Variants in ANKRD45 observed in about 807,000 individuals in gnomAD.
ANKRD45 encodes ankyrin repeat domain-containing protein 45.
In ANKRD45, 21 loss-of-function variants were observed where a neutral mutation model predicts 28.1. That is an observed-to-expected ratio of 0.75 (90% CI 0.53 to 1.08). The LOEUF is 1.08. ANKRD45 is among the 50% of genes least tolerant of loss of function. The pLI is 0.00. For missense variants in ANKRD45, 261 were observed against 308.7 expected (o/e 0.85, Z 1.16); for synonymous variants, 86 against 103.9 (o/e 0.83, Z 1.05).
chr1:173,675,544 G>A, the ANKRD45 span: 1 of 154,820 alleles, frequency 6.5e-6, no homozygotes, highest in African/African-American at 2.4e-5. Context: ...AACCCAGGGG[G>A]TAGAGGTTGC....
At chr1:173,713,106 GGAAAA>G in the ANKRD45 span, among the ~76,000 whole-genome samples, 4 of 152,010 alleles carry the variant, frequency 2.6e-5, no homozygotes, top group African/African-American at 7.3e-5. Flanking sequence ...TTTAAAATAT[GGAAAA>G]GAAATCATTT....
intron 2 of ANKRD45, among the ~76,000 whole-genome samples, chr1:173,653,983 T>C (rs1413172377): frequency 6.6e-6 from 1 of 151,262 alleles, no homozygotes; most frequent in East Asian, 1.9e-4. Flanking sequence ...TCCCTTTATT[T>C]TGAGCATATG....
At chr1:173,677,925 T>C in the ANKRD45 span, among the ~76,000 whole-genome samples, 4 of 152,332 alleles carry the variant, frequency 2.6e-5, no homozygotes, top group Admixed American at 2.0e-4. Flanking sequence ...GATATTATGT[T>C]GGAAGAAAAC....
chr1:173,611,305 A>G (rs1032587096), intron 5 of ANKRD45, among the ~76,000 whole-genome samples: 1 of 152,176 alleles, frequency 6.6e-6, no homozygotes, highest in Non-Finnish European at 1.5e-5. Context: ...CTGATCATAT[A>G]GAGCACTTAG....
intron 3 of ANKRD45, 92 bp from the exon 4 acceptor site, chr1:173,627,251 C>G (rs896032643): frequency 1.2e-5 from 9 of 771,710 alleles, no homozygotes; most frequent in Non-Finnish European, 1.7e-5. Flanking sequence ...TCCACCCCAC[C>G]CCACAGAAAC....
rs1289161005 is a variant in ANKRD45 at position 173,610,120 on chromosome 1, A to C, written c.*25T>G. 1 of 1,606,010 alleles carries C rather than the reference A, an allele frequency of 6.2e-7. No homozygotes were observed. The highest frequency in any genetic ancestry group is 8.5e-7 in the Non-Finnish European group (1 of 1,174,612). On this transcript the variant is annotated 3_prime_UTR_variant, in exon 6 of 6. Transcript: ENST00000333279. ...TTTGCCTTTCAGATACTAAAAGAAA[A>C]TGTGGCCTTTTACAGAACGTATGTT...
At chr1:173,625,310 T>C (rs1243020754) in intron 4 of ANKRD45, among the ~76,000 whole-genome samples, 1 of 152,062 alleles carries the variant, frequency 6.6e-6, no homozygotes, top group Non-Finnish European at 1.5e-5. Flanking sequence ...TGTTAAGCCC[T>C]GTGACTAAAA....
chr1:173,639,453 A>T (rs1407900156), intron 3 of ANKRD45, among the ~76,000 whole-genome samples: 2 of 152,158 alleles, frequency 1.3e-5, no homozygotes, highest in Non-Finnish European at 1.5e-5. Context: ...AAAAAGGAAA[A>T]GTTAATAAAA....
Position 173,627,062 on chromosome 1 carries a change from T to G in ANKRD45, c.591+3A>C. On this transcript the variant is annotated splice_donor_region_variant and intron_variant, in intron 4 of 5. Transcript: ENST00000333279. ...AGAACAAGCAATAATCACAATACAG[T>G]ACCTTGTCTTCCTTAAGGAGTTTCC... 6.3e-7 allele frequency: 1 copy of G among 1,590,578 alleles called. No homozygotes were observed. The highest frequency in any genetic ancestry group is 1.1e-5 in the South Asian group (1 of 90,376).
rs78476876 is a variant in ANKRD45, at chr1:173,667,374, G to A, written c.-16+2443C>T. Among the ~76,000 whole-genome samples, 10 of 152,182 alleles carry A rather than the reference G, an allele frequency of 6.6e-5. No homozygotes were observed. The East Asian group carries it at 1.9e-3, about 29-fold the overall frequency. On this transcript the variant is annotated intron_variant, in intron 1 of 5. Transcript: ENST00000333279. ...CACAGTATGAAACGTTCATTGACATGGCTTCAGATTCCACACTGCAACCAG... is the reference window on the plus strand; with the variant it reads ...CACAGTATGAAACGTTCATTGACATAGCTTCAGATTCCACACTGCAACCAG...
chr1:173,650,427 G>A (rs1041178612), intron 2 of ANKRD45, among the ~76,000 whole-genome samples: 1 of 152,184 alleles, frequency 6.6e-6, no homozygotes, highest in African/African-American at 2.4e-5. Flanking sequence ...CACAGGATAT[G>A]AACTCATCCT....
chr1:173,637,236 G>A (rs1668489090), intron 3 of ANKRD45: 3 of 496,794 alleles, frequency 6.0e-6, no homozygotes, highest in Admixed American at 3.8e-5. Context: ...AAGTACTAGA[G>A]AAGAAATTGT....
the ANKRD45 span, among the ~76,000 whole-genome samples, chr1:173,697,997 A>G: frequency 6.6e-6 from 1 of 152,142 alleles, no homozygotes; most frequent in Non-Finnish European, 1.5e-5. Context: ...GAAAGAAAAA[A>G]AAAAAGCAGG....
intron 2 of ANKRD45, chr1:173,658,393 T>C (rs1052274630): frequency 2.6e-5 from 4 of 152,292 alleles, no homozygotes; most frequent in African/African-American, 9.6e-5. Flanking sequence ...TACCTTTTTG[T>C]TACTACTTTT....
chr1:173,669,104 C>T (rs966270068), intron 1 of ANKRD45, among the ~76,000 whole-genome samples: 3 of 152,126 alleles, frequency 2.0e-5, no homozygotes, highest in Non-Finnish European at 4.4e-5. Flanking sequence ...AGGGAAGACA[C>T]AAGTAAATCA....
At chr1:173,690,171 AT>A in the ANKRD45 span, among the ~76,000 whole-genome samples, 3 of 144,792 alleles carry the variant, frequency 2.1e-5, no homozygotes, top group African/African-American at 7.8e-5. Flanking sequence ...TCTTTTTTAC[AT>A]TGTTCTACCT....
At chr1:173,704,498 T>C in the ANKRD45 span, among the ~76,000 whole-genome samples, 9 of 152,214 alleles carry the variant, frequency 5.9e-5, no homozygotes, top group Non-Finnish European at 1.3e-4. Flanking sequence ...TTCTTCAAAA[T>C]ATCAAATAAG....
At chr1:173,671,808 G>A (rs1283328061), upstream of ANKRD45, among the ~76,000 whole-genome samples, 2 of 151,504 alleles carry the variant, frequency 1.3e-5, no homozygotes, top group Non-Finnish European at 2.9e-5. Flanking sequence ...CGTAAACCCG[G>A]GAGGCGGAGG....
At chr1:173,688,951 C>CG in the ANKRD45 span, among the ~76,000 whole-genome samples, 1 of 151,922 alleles carries the variant, frequency 6.6e-6, no homozygotes, top group Non-Finnish European at 1.5e-5. Flanking sequence ...CAACATTAGA[C>CG]GGGGGGTTGG....
Sources: gnomAD v4.1 joint callset for allele counts (sites outside exome capture counted in the v4.1 genomes callset) on GRCh38, gnomAD v4.1.1 for gene constraint, MANE v1.5 for transcripts, NCBI Gene and HGNC (gene_info 2026-07-23, HGNC 2026-07-21) for gene names.